Variants in NECAB1 observed in about 807,000 individuals in gnomAD.
NECAB1 encodes the protein N-terminal EF-hand calcium-binding protein 1.
Under a neutral mutation model 57.5 loss-of-function variants are expected in NECAB1, and 29 were observed. The observed-to-expected ratio is 0.50, with a 90% CI of 0.38 to 0.69. NECAB1 has a LOEUF of 0.69. Among genes scored for constraint, NECAB1 ranks in the 30% least tolerant of loss-of-function variants. The pLI is 0.00. For synonymous variants in NECAB1, 142 were observed against 147.7 expected (o/e 0.96, Z 0.28); for missense variants, 372 against 413.8 (o/e 0.90, Z 0.88).
At chr8:90,823,505 A>G (rs4443621) in intron 2 of NECAB1, among the ~76,000 whole-genome samples, 23,085 of 151,622 alleles carry the variant, frequency 0.15, 3,213 homozygotes, top group African/African-American at 0.37. Flanking sequence ...CCACCCCTCC[A>G]TGCCCTCTGT....
At chr8:90,862,197 A>G (rs1048288623) in intron 3 of NECAB1, among the ~76,000 whole-genome samples, 4 of 152,210 alleles carry the variant, frequency 2.6e-5, no homozygotes, top group Admixed American at 2.0e-4. Flanking sequence ...CAAACAAAAT[A>G]TAGAATATCC....
chr8:90,919,284 G>A (rs377171517), intron 6 of NECAB1, among the ~76,000 whole-genome samples: 113 of 152,176 alleles, frequency 7.4e-4, no homozygotes, highest in South Asian at 1.7e-3. Flanking sequence ...TAAACTTATA[G>A]ATGTGCTTTA....
intron 3 of NECAB1, among the ~76,000 whole-genome samples, chr8:90,843,167 T>C (rs1812484381): frequency 6.6e-6 from 1 of 152,170 alleles, no homozygotes; most frequent in Admixed American, 6.5e-5. Context: ...TTATTCACTA[T>C]CATGAAAACA....
At chr8:90,949,769 T>C in intron 10 of NECAB1, 38 bp from the exon 11 acceptor site, 1 of 1,243,354 alleles carries the variant, frequency 8.0e-7, no homozygotes. Flanking sequence ...CATCTTTAAT[T>C]TCCAGTAGCT....
rs766524205 is a variant in NECAB1 at position 90,925,595 on chromosome 8, C to T, written c.555C>T (p.Arg185=). The change falls in exon 7 of 13, where the codon CGC becomes CGT. Residue 185 remains arginine, a synonymous_variant. Coordinates refer to ENST00000417640, the MANE Select transcript of NECAB1 (RefSeq NM_022351.5). The part of the protein sequence containing the change: ...SIQWPGKRSS[R]RVQRHNSFSP... ...AATGGCCTGGAAAACGATCAAGCCGCCGAGTCCAGAGACACAACAGCTTCT... is the reference window on the plus strand; with the variant it reads ...AATGGCCTGGAAAACGATCAAGCCGTCGAGTCCAGAGACACAACAGCTTCT... 1.2e-6 allele frequency: 2 copies of T among 1,613,670 alleles called. No homozygotes were observed. Among genetic ancestry groups the T allele is most frequent in the South Asian group, 2.2e-5 (2 of 90,994 alleles).
rs2130291799 is a variant in NECAB1 at position 90,957,783 on chromosome 8, T to A, written c.*2271T>A. The A allele has an allele frequency of 6.7e-6, 1 of 150,306 alleles. No individual in the cohort carries two copies. Among genetic ancestry groups the A allele is most frequent in the South Asian group, 2.1e-4 (1 of 4,816 alleles). 9.3% of individuals were successfully genotyped at this position (150,306 alleles called of 1,614,324 possible). A position where few individuals can be genotyped will look rare whatever the true frequency, so the allele number is the denominator to read the frequency against. On this transcript the variant is annotated 3_prime_UTR_variant, in exon 13 of 13. Transcript: ENST00000417640. ...CAATAAGTTTATAGTTAACGAAGAT[T>A]TTTTTCTATTTAAAACCCCATTTTC...
intron 10 of NECAB1, among the ~76,000 whole-genome samples, chr8:90,948,325 C>A (rs558695523): frequency 7.8e-4 from 118 of 152,090 alleles, no homozygotes; most frequent in Non-Finnish European, 1.5e-3. Flanking sequence ...AAACCTTTCT[C>A]CAGAAAATCT....
chr8:90,820,643 A>C (rs1490302099), intron 2 of NECAB1, among the ~76,000 whole-genome samples: 2 of 151,102 alleles, frequency 1.3e-5, no homozygotes, highest in Non-Finnish European at 3.0e-5. Flanking sequence ...TTGTGGATGC[A>C]GCTTGAAGGA....
intron 3 of NECAB1, among the ~76,000 whole-genome samples, chr8:90,854,701 A>T (rs1168854257): frequency 6.6e-6 from 1 of 152,234 alleles, no homozygotes; most frequent in Non-Finnish European, 1.5e-5. Flanking sequence ...TACTCTAGCC[A>T]AGGAGTCTAG....
At chr8:90,900,513 G>A (rs1245736488) in intron 5 of NECAB1, among the ~76,000 whole-genome samples, 1 of 152,174 alleles carries the variant, frequency 6.6e-6, no homozygotes, top group Non-Finnish European at 1.5e-5. Context: ...ATCATAGTAT[G>A]AGTCAATGGC....
chr8:90,919,336 GT>G (rs1810050420), intron 6 of NECAB1, among the ~76,000 whole-genome samples: 1 of 152,150 alleles, frequency 6.6e-6, no homozygotes, highest in Admixed American at 6.5e-5. Context: ...GAAACAGTAA[GT>G]TTTCTGAACA....
At chr8:90,872,336 C>A in intron 4 of NECAB1, 183 bp downstream of exon 4, 1 of 500,144 alleles carries the variant, frequency 2.0e-6, no homozygotes, top group Non-Finnish European at 3.5e-6. Context: ...TATTTCACTC[C>A]AGAAAGAGTT....
At chr8:90,799,859 G>A (rs1811731752) in intron 1 of NECAB1, among the ~76,000 whole-genome samples, 1 of 152,156 alleles carries the variant, frequency 6.6e-6, no homozygotes, top group African/African-American at 2.4e-5. Context: ...TTGGTAGTTT[G>A]ATAGGAATAG....
intron 1 of NECAB1, among the ~76,000 whole-genome samples, chr8:90,796,600 T>A (rs1454411224): frequency 1.3e-5 from 2 of 152,258 alleles, no homozygotes; most frequent in East Asian, 3.8e-4. Flanking sequence ...GGAATCTATT[T>A]GATAATCTTT....
intron 2 of NECAB1, among the ~76,000 whole-genome samples, chr8:90,819,244 GT>G (rs375132432): frequency 4.7e-4 from 71 of 151,908 alleles, no homozygotes; most frequent in African/African-American, 1.6e-3. Flanking sequence ...ATTAATCATA[GT>G]TATTTTAAAT....
At chr8:90,800,449 G>C (rs979898867) in intron 1 of NECAB1, among the ~76,000 whole-genome samples, 1 of 152,144 alleles carries the variant, frequency 6.6e-6, no homozygotes, top group African/African-American at 2.4e-5. Flanking sequence ...TGTGATGTTG[G>C]CTGTGGGTTT....
chr8:90,863,849 T>C (rs1808456086), intron 3 of NECAB1, among the ~76,000 whole-genome samples: 1 of 152,132 alleles, frequency 6.6e-6, no homozygotes, highest in African/African-American at 2.4e-5. Context: ...TAGAAGCTAG[T>C]TTTTATTCCA....
chr8:90,949,261 C>T (rs1810878855), intron 10 of NECAB1, among the ~76,000 whole-genome samples: 1 of 151,318 alleles, frequency 6.6e-6, no homozygotes, highest in Non-Finnish European at 1.5e-5. Flanking sequence ...GAGAGAGCCA[C>T]TAGGTATTGG....
intron 3 of NECAB1, among the ~76,000 whole-genome samples, chr8:90,861,039 AAGAAGAC>A (rs1453637053): frequency 6.6e-6 from 1 of 152,238 alleles, no homozygotes; most frequent in African/African-American, 2.4e-5. Flanking sequence ...TAGATGCTCT[AAGAAGAC>A]AGAAGACACT....
Sources: allele counts gnomAD v4.1 joint callset (sites outside exome capture counted in the v4.1 genomes callset), GRCh38; gene constraint gnomAD v4.1.1; transcripts MANE v1.5; gene names NCBI Gene and HGNC (gene_info 2026-07-23, HGNC 2026-07-21).